Variants in TP53BP1 observed in about 807,000 individuals in gnomAD.
TP53BP1 encodes the protein tumor protein p53 binding protein 1.
In TP53BP1, 61 loss-of-function variants were observed where a neutral mutation model predicts 200.8. The observed-to-expected ratio is 0.30, with a 90% CI of 0.25 to 0.38. The LOEUF is 0.38. Ranked by LOEUF, TP53BP1 falls within the 10% of genes least tolerant of loss-of-function variation. The pLI is 1.00. For synonymous variants in TP53BP1, 822 were observed against 844.3 expected (o/e 0.97, Z 0.46); for missense variants, 2,144 against 2,371.9 (o/e 0.90, Z 2.00).
At chr15:43,480,812 A>C in intron 5 of TP53BP1, 83 bp downstream of exon 5, 3 of 1,462,126 alleles carry the variant, frequency 2.1e-6, no homozygotes, top group Non-Finnish European at 2.8e-6. Flanking sequence ...CAACCTAATA[A>C]AGAGGAGAAA....
Position 43,421,098 on chromosome 15 carries a change from C to T in TP53BP1, c.4177G>A (p.Gly1393Arg). The T allele has an allele frequency of 6.2e-7, 1 of 1,614,246 alleles. No homozygotes were observed. The highest frequency in any genetic ancestry group is 8.5e-7 in the Non-Finnish European group (1 of 1,180,042). ...DGDAGLGIRQ[G>R]GKAPVTPRGR... ...CGAGGCGTGACTGGAGCCTTCCCTC[C>T]CTGTCTGATGCCAAGGCCTGCATCA... The change falls in exon 20 of 28, where the codon GGA becomes AGA. Residue 1393 changes from glycine to arginine, a missense_variant. Physicochemically the swap from Gly to Arg is moderately radical, Grantham distance 125. This residue lies in a region of TP53BP1 where 1,700 missense variants were observed against 1,710.3 expected (regional missense o/e 0.99). Coordinates refer to ENST00000382044, the MANE Select transcript of TP53BP1 (RefSeq NM_001141980.3).
Position 43,479,496 on chromosome 15 carries a change from T to C in TP53BP1, c.689A>G (p.Asp230Gly). 6.2e-7 allele frequency: 1 copy of C among 1,613,502 alleles called. No homozygotes were observed. The highest frequency in any genetic ancestry group is 1.1e-5 in the South Asian group (1 of 90,942). The stretch of plus-strand genomic sequence containing the variant: ...GCTGGACTGTTCTGCTATGGGGATA[T>C]CTTCGTTGGACTGTTCTTCATGCTT... ...AIKHEEQSNE[D>G]IPIAEQSSKD... Residue 230 changes from aspartate to glycine, a missense_variant, in exon 7 of 28, where the codon GAT (aspartate) becomes GGT (glycine). Asp to Gly is a moderately conservative substitution (Grantham distance 94, BLOSUM62 -1). Transcript: ENST00000382044.
At chr15:43,430,857 G>A (rs974606579) in intron 17 of TP53BP1, among the ~76,000 whole-genome samples, 27 of 152,216 alleles carry the variant, frequency 1.8e-4, no homozygotes, top group African/African-American at 6.5e-4. Flanking sequence ...ACAGATTTTA[G>A]TAACTTCAGC....
intron 4 of TP53BP1, among the ~76,000 whole-genome samples, chr15:43,489,486 G>C (rs1209675394): frequency 6.6e-6 from 1 of 152,240 alleles, no homozygotes; most frequent in Non-Finnish European, 1.5e-5. Flanking sequence ...AGATAACATA[G>C]ATGAGTGAAG....
Position 43,475,704 on chromosome 15 carries a change from A to C in TP53BP1, c.956-10T>G. ...CAACCATCAGAAGATACTGAAAAAA[A>C]GAAATTCCAGTTGCACTTCTCAGAT... On this transcript the variant is annotated splice_polypyrimidine_tract_variant and intron_variant, in intron 8 of 27. Transcript: ENST00000382044. 1 of 1,613,260 alleles carries C rather than the reference A, an allele frequency of 6.2e-7. No homozygotes were observed. The highest frequency in any genetic ancestry group is 8.5e-7 in the Non-Finnish European group (1 of 1,179,942).
intron 16 of TP53BP1, among the ~76,000 whole-genome samples, chr15:43,435,185 C>T (rs1050869090): frequency 7.1e-6 from 1 of 141,168 alleles, no homozygotes; most frequent in Non-Finnish European, 1.5e-5. Context: ...ATCCCTCGAA[C>T]CTGGGAGGTG....
chr15:43,459,441 T>A (rs1383290178), intron 11 of TP53BP1, among the ~76,000 whole-genome samples: 2 of 152,236 alleles, frequency 1.3e-5, no homozygotes, highest in Non-Finnish European at 2.9e-5. Flanking sequence ...TATAATTGAA[T>A]AGATTATTCA....
chr15:43,428,206 C>T lies in TP53BP1; in HGVS notation c.3676-38G>A, dbSNP rs761888603. The T allele has an allele frequency of 1.9e-6, 3 of 1,585,824 alleles. No homozygotes were observed. In the East Asian group the frequency reaches 6.7e-5, roughly 36 times the overall value. ...ATACAGAACATAAGCACAGGTCTCA[C>T]TGCAAGCTGTCAAAATCACAAATCT... On this transcript the variant is annotated intron_variant, in intron 17 of 27. Coordinates refer to ENST00000382044, the MANE Select transcript of TP53BP1 (RefSeq NM_001141980.3).
intron 26 of TP53BP1, 173 bp downstream of exon 26, chr15:43,408,724 G>GTAA: frequency 1.6e-6 from 1 of 636,826 alleles, no homozygotes. Context: ...CCTAGCCAAT[G>GTAA]TAACCTAGGG....
In TP53BP1 at chr15:43,403,552, T is replaced by C; in HGVS notation, c.*3831A>G. ...GGCTGGCAGGCCTTGCACGTGGCAG[T>C]GTCTATCCTGTCAGATTTGGGAGGT... On this transcript the variant is annotated 3_prime_UTR_variant, in exon 28 of 28. Coordinates refer to ENST00000382044, the MANE Select transcript of TP53BP1 (RefSeq NM_001141980.3). 2 of 678,158 alleles carry C rather than the reference T, an allele frequency of 2.9e-6. No individual in the cohort carries two copies. Among genetic ancestry groups the C allele is most frequent in the Middle Eastern group, 4.2e-4 (1 of 2,372 alleles). The allele number at this position is 678,158 out of a possible 1,614,324, so 42.0% of individuals were successfully genotyped here.
At chr15:43,462,972 A>G (rs978934993) in intron 11 of TP53BP1, among the ~76,000 whole-genome samples, 1 of 152,096 alleles carries the variant, frequency 6.6e-6, no homozygotes, top group African/African-American at 2.4e-5. Flanking sequence ...CAGGAGAATC[A>G]CTTGAACTCA....
At chr15:43,409,968 G>A (rs1231914673) in intron 24 of TP53BP1, among the ~76,000 whole-genome samples, 1 of 152,162 alleles carries the variant, frequency 6.6e-6, no homozygotes, top group Admixed American at 6.5e-5. Flanking sequence ...ATGAGGACTG[G>A]AGGTAGGTCC....
At chr15:43,475,452 A>G in intron 9 of TP53BP1, 113 bp downstream of exon 9, 3 of 1,256,992 alleles carry the variant, frequency 2.4e-6, no homozygotes, top group Non-Finnish European at 3.3e-6. Flanking sequence ...AGGTTCTACC[A>G]TTTGGTTTCA....
intron 11 of TP53BP1, among the ~76,000 whole-genome samples, chr15:43,461,973 A>C (rs1021585620): frequency 3.3e-5 from 5 of 150,742 alleles, no homozygotes; most frequent in African/African-American, 7.3e-5. Flanking sequence ...TGGCCATTCT[A>C]CTCTTTTTAC....
chr15:43,474,251 C>T (rs930866889), intron 10 of TP53BP1, among the ~76,000 whole-genome samples: 1 of 152,170 alleles, frequency 6.6e-6, no homozygotes, highest in Non-Finnish European at 1.5e-5. Flanking sequence ...GGTTGCTGCT[C>T]GCACCTCTCC....
intron 18 of TP53BP1, among the ~76,000 whole-genome samples, chr15:43,425,585 A>G (rs532244951): frequency 1.7e-4 from 26 of 152,302 alleles, no homozygotes; most frequent in African/African-American, 6.3e-4. Context: ...ATACCACTGC[A>G]CTCCAGCCTG....
At chr15:43,507,142 T>C (rs961687226) in intron 1 of TP53BP1, among the ~76,000 whole-genome samples, 1 of 149,290 alleles carries the variant, frequency 6.7e-6, no homozygotes, top group African/African-American at 2.4e-5. Context: ...CCAATTCTCT[T>C]TTTTTTTTTT....
chr15:43,502,099 C>T (rs1020945082), intron 1 of TP53BP1, among the ~76,000 whole-genome samples: 3 of 152,046 alleles, frequency 2.0e-5, no homozygotes, highest in Non-Finnish European at 4.4e-5. Context: ...TTGAGAGGTT[C>T]GCTTGAGCCA....
chr15:43,463,174 C>T (rs998124460), intron 11 of TP53BP1, among the ~76,000 whole-genome samples: 2 of 152,192 alleles, frequency 1.3e-5, no homozygotes, highest in African/African-American at 4.8e-5. Flanking sequence ...TTTGTCCTCA[C>T]CAAAATTAAT....
Sources: gnomAD v4.1 joint callset for allele counts (sites outside exome capture counted in the v4.1 genomes callset) on GRCh38, gnomAD v4.1.1 for gene constraint, gnomAD v4.1.1 regional missense constraint, MANE v1.5 for transcripts, NCBI Gene and HGNC (gene_info 2026-07-23, HGNC 2026-07-21) for gene names.